The following MIR2052HG variants were observed in gnomAD, a reference collection of about 807,000 sequenced individuals.
The protein encoded by MIR2052HG is MIR2052 host gene.
intron 2 of MIR2052HG, among the ~76,000 whole-genome samples, chr8:74,671,095 T>C (rs545903967): frequency 4.1e-4 from 60 of 147,608 alleles, no homozygotes; most frequent in Non-Finnish European, 7.1e-4. Context: ...GTGTAATAGT[T>C]ACATCAATGA....
intron 4 of MIR2052HG, among the ~76,000 whole-genome samples, chr8:74,711,017 C>T (rs1015372238): frequency 6.6e-6 from 1 of 152,204 alleles, no homozygotes; most frequent in Non-Finnish European, 1.5e-5. Context: ...TATGCCTTGA[C>T]AGGGCTCAGT....
At chr8:74,734,315 A>C (rs1809725136) in intron 4 of MIR2052HG, among the ~76,000 whole-genome samples, 1 of 152,174 alleles carries the variant, frequency 6.6e-6, no homozygotes, top group South Asian at 2.1e-4. Context: ...GTCTGCTAAA[A>C]CTGATCTAAC....
chr8:74,649,830 G>A (rs1237070701), intron 2 of MIR2052HG, among the ~76,000 whole-genome samples: 3 of 151,864 alleles, frequency 2.0e-5, no homozygotes, highest in Non-Finnish European at 4.4e-5. Context: ...CAATATTTAT[G>A]TAATATTTTA....
intron 2 of MIR2052HG, among the ~76,000 whole-genome samples, chr8:74,673,370 C>A (rs187163205): frequency 2.6e-5 from 4 of 152,128 alleles, no homozygotes; most frequent in Admixed American, 2.0e-4. Flanking sequence ...ACATTTAGTG[C>A]CCATCTTCTC....
intron 2 of MIR2052HG, among the ~76,000 whole-genome samples, chr8:74,664,806 C>G (rs1466850641): frequency 6.6e-6 from 1 of 152,212 alleles, no homozygotes; most frequent in Non-Finnish European, 1.5e-5. Context: ...GCGTGAGCCA[C>G]TGCACCAGGC....
In MIR2052HG at chr8:74,673,279, A is replaced by G. The variant is rs191592826; in HGVS notation, n.217-29100A>G. The stretch of plus-strand genomic sequence containing the variant: ...ATCTATGGAACCCCAGTTCTCTTCT[A>G]TATCCCTCCCTGCTAGTTTAATGAG... On this transcript the variant is annotated intron_variant and non_coding_transcript_variant, in intron 2 of 6. Transcript: ENST00000523442. Among the ~76,000 whole-genome samples, 194 of 152,142 alleles carry G rather than the reference A, an allele frequency of 1.3e-3. 3 individuals are homozygous for G. The highest frequency in any genetic ancestry group is 3.8e-3 in the African/African-American group (158 of 41,512).
intron 2 of MIR2052HG, among the ~76,000 whole-genome samples, chr8:74,621,785 A>C (rs1409675850): frequency 1.3e-5 from 2 of 152,200 alleles, no homozygotes; most frequent in Non-Finnish European, 2.9e-5. Context: ...GGCTGCCAAG[A>C]CCACGCTGTG....
At chr8:74,603,978 A>G (rs1808067802) in intron 1 of MIR2052HG, 1 of 963,340 alleles carries the variant, frequency 1.0e-6, no homozygotes, top group Non-Finnish European at 1.7e-6. Context: ...CAGCTGTGCT[A>G]CTGGTCATAG....
At chr8:74,707,364 G>A (rs1809421654) in intron 4 of MIR2052HG, among the ~76,000 whole-genome samples, 1 of 152,118 alleles carries the variant, frequency 6.6e-6, no homozygotes, top group African/African-American at 2.4e-5. Flanking sequence ...TACAAAGTCT[G>A]TGAAATAAAA....
chr8:74,643,139 A>G (rs975959254), intron 2 of MIR2052HG, among the ~76,000 whole-genome samples: 19 of 152,224 alleles, frequency 1.2e-4, no homozygotes, highest in Non-Finnish European at 2.9e-5. Flanking sequence ...GGCAAAAAGA[A>G]TCCACAGGTA....
chr8:74,710,624 T>A (rs1809457936), intron 4 of MIR2052HG, among the ~76,000 whole-genome samples: 1 of 152,114 alleles, frequency 6.6e-6, no homozygotes, highest in Non-Finnish European at 1.5e-5. Flanking sequence ...ACTATATAAG[T>A]ATTCACAATT....
intron 2 of MIR2052HG, among the ~76,000 whole-genome samples, chr8:74,681,697 C>CT (rs2128739122): frequency 1.3e-5 from 2 of 152,244 alleles, no homozygotes; most frequent in East Asian, 3.9e-4. Flanking sequence ...CGTTTGCTCT[C>CT]TGTCTTATGT....
At chr8:74,657,063 C>A (rs1808814590) in intron 2 of MIR2052HG, among the ~76,000 whole-genome samples, 1 of 152,204 alleles carries the variant, frequency 6.6e-6, no homozygotes, top group Non-Finnish European at 1.5e-5. Flanking sequence ...TGCAAGTCTG[C>A]AAACTCGTAC....
At chr8:74,698,203 G>C (rs1486256029) in intron 2 of MIR2052HG, among the ~76,000 whole-genome samples, 1 of 152,040 alleles carries the variant, frequency 6.6e-6, no homozygotes, top group Non-Finnish European at 1.5e-5. Flanking sequence ...AATAAAGCCA[G>C]ATACTTAACA....
At chr8:74,623,176 T>G (rs1808387853) in intron 2 of MIR2052HG, among the ~76,000 whole-genome samples, 1 of 152,222 alleles carries the variant, frequency 6.6e-6, no homozygotes, top group Non-Finnish European at 1.5e-5. Context: ...GAATGGTAGG[T>G]GATTGTTAGG....
chr8:74,642,601 C>G (rs1267698060), intron 2 of MIR2052HG, among the ~76,000 whole-genome samples: 1 of 152,252 alleles, frequency 6.6e-6, no homozygotes, highest in African/African-American at 2.4e-5. Context: ...TATATATTTG[C>G]TAACTGTTGG....
chr8:74,724,651 A>G (rs1214000820), intron 4 of MIR2052HG, among the ~76,000 whole-genome samples: 2 of 152,194 alleles, frequency 1.3e-5, no homozygotes, highest in Non-Finnish European at 1.5e-5. Context: ...AAAGATGTGA[A>G]TTTCAGATAC....
At chr8:74,669,354 T>C (rs1338151084) in intron 2 of MIR2052HG, among the ~76,000 whole-genome samples, 1 of 152,146 alleles carries the variant, frequency 6.6e-6, no homozygotes, top group Non-Finnish European at 1.5e-5. Context: ...CTCTCACCAT[T>C]TCTACTGCTG....
chr8:74,700,715 T>A (rs1809349257), intron 2 of MIR2052HG, among the ~76,000 whole-genome samples: 2 of 152,150 alleles, frequency 1.3e-5, no homozygotes, highest in Admixed American at 1.3e-4. Context: ...CTGATTGTAT[T>A]TTTTGTGCAA....
Sources: allele counts gnomAD v4.1 joint callset (sites outside exome capture counted in the v4.1 genomes callset), GRCh38; gene constraint gnomAD v4.1.1; transcripts MANE v1.5; gene names NCBI Gene and HGNC (gene_info 2026-07-23, HGNC 2026-07-21).